The following KLRG1 variants were observed in gnomAD, a reference collection of about 807,000 sequenced individuals.
KLRG1 encodes killer cell lectin-like receptor subfamily G member 1.
Under a neutral mutation model 21.8 loss-of-function variants are expected in KLRG1, and 16 were observed. The ratio of observed to expected loss-of-function variants is 0.73; its 90% CI spans 0.50 to 1.11. KLRG1 has a LOEUF of 1.11. KLRG1 is among the 50% of genes most tolerant of loss of function. The probability of loss-of-function intolerance (pLI) is 0.00; values close to 1 mark genes in which losing one functional copy is unlikely to be tolerated. For synonymous variants in KLRG1, 69 were observed against 75.9 expected (o/e 0.91, Z 0.47); for missense variants, 173 against 218.3 (o/e 0.79, Z 1.31).
intron 1 of KLRG1, among the ~76,000 whole-genome samples, chr12:8,982,653 TTTTTTTTTTG>T (rs774188664): frequency 2.0e-5 from 3 of 151,674 alleles, no homozygotes; most frequent in African/African-American, 7.3e-5. Context: ...TCTTTTTTTT[TTTTTTTTTTG>T]AGATGGAGTT....
Position 9,010,276 on chromosome 12 carries a change from C to A in KLRG1, c.*739C>A. ...ACTTCCTCCTTCTGAGCTCTTCACA[C>A]GTAATGCAAAAACCCGGTCTTAACT... On this transcript the variant is annotated 3_prime_UTR_variant, in exon 5 of 5. Coordinates refer to ENST00000356986, the MANE Select transcript of KLRG1 (RefSeq NM_005810.4). 1 of 416,298 alleles carries A rather than the reference C, an allele frequency of 2.4e-6. No individual in the cohort carries two copies. The highest frequency in any genetic ancestry group is 4.3e-6 in the Non-Finnish European group (1 of 234,488). The allele number at this position is 416,298 out of a possible 1,614,324, so 25.8% of individuals were successfully genotyped here.
chr12:9,152,939 A>G, the KLRG1 span: 1 of 1,614,070 alleles, frequency 6.2e-7, no homozygotes, highest in Non-Finnish European at 8.5e-7. Flanking sequence ...AGAATATTGT[A>G]TTTCATGGAT....
chr12:9,075,182 G>C, the KLRG1 span, among the ~76,000 whole-genome samples: 8 of 152,148 alleles, frequency 5.3e-5, no homozygotes, highest in African/African-American at 1.4e-4. Context: ...ACATGAAATA[G>C]TAGAGTTTCT....
rs1565544796 is a variant in KLRG1, at chr12:8,989,574, A to G, written c.-62A>G. The G allele has an allele frequency of 3.9e-6, 4 of 1,037,302 alleles. No homozygotes were observed. The highest frequency in any genetic ancestry group is 2.7e-5 in the South Asian group (2 of 73,460). 64.3% of individuals were successfully genotyped at this position (1,037,302 alleles called of 1,614,324 possible). ...GATTGGGCTGTTTCCTCACTGATAC[A>G]TATCCCTTCACACTTCTATAATTTA... On this transcript the variant is annotated 5_prime_UTR_variant, in exon 1 of 5. Coordinates refer to ENST00000356986, the MANE Select transcript of KLRG1 (RefSeq NM_005810.4).
chr12:9,079,466 T>C, the KLRG1 span: 1 of 1,131,542 alleles, frequency 8.8e-7, no homozygotes, highest in Non-Finnish European at 1.3e-6. Context: ...TTTCTGAGCC[T>C]TAAATATTTT....
the KLRG1 span, chr12:9,150,552 G>T: frequency 7.2e-6 from 6 of 831,830 alleles, no homozygotes; most frequent in Non-Finnish European, 9.7e-6. Context: ...AAAGATTAAT[G>T]TTGACTAAGT....
At chr12:9,117,950 A>G in the KLRG1 span, among the ~76,000 whole-genome samples, 1 of 152,164 alleles carries the variant, frequency 6.6e-6, no homozygotes. Context: ...ACATAGATCA[A>G]TTTAGGCTAG....
chr12:9,009,453 A>G lies in KLRG1; in HGVS notation c.486A>G (p.Thr162=). The G allele has an allele frequency of 1.2e-6, 2 of 1,613,956 alleles. No homozygotes were observed. Among genetic ancestry groups the G allele is most frequent in the Non-Finnish European group, 1.7e-6 (2 of 1,179,910 alleles). ...TTTCTTCTAATAGCTTTGTGCAGAC[A>G]TGCGGTGCCATCAACAAAAATGGTC... The part of the protein sequence containing the change: ...SRISSNSFVQ[T]CGAINKNGLQ... Residue 162 remains threonine, a synonymous_variant, in exon 5 of 5, where the codon ACA becomes ACG. Coordinates refer to ENST00000356986, the MANE Select transcript of KLRG1 (RefSeq NM_005810.4).
chr12:9,193,075 G>A, the KLRG1 span, among the ~76,000 whole-genome samples: 2 of 152,178 alleles, frequency 1.3e-5, no homozygotes, highest in Non-Finnish European at 2.9e-5. Flanking sequence ...ATTACCTCAT[G>A]AATTGGCTTA....
the KLRG1 span, among the ~76,000 whole-genome samples, chr12:9,184,881 A>G: frequency 2.6e-5 from 4 of 152,200 alleles, no homozygotes; most frequent in Admixed American, 6.5e-5. Context: ...ACCTTATACC[A>G]CAATCAAACC....
the KLRG1 span, chr12:9,089,088 T>A: frequency 1.3e-5 from 11 of 831,548 alleles, no homozygotes; most frequent in East Asian, 2.7e-4. Context: ...AATGCATTGA[T>A]GGTGCTTCAG....
At chr12:9,049,181 G>A in the KLRG1 span, among the ~76,000 whole-genome samples, 9 of 152,256 alleles carry the variant, frequency 5.9e-5, no homozygotes, top group African/African-American at 2.2e-4. Flanking sequence ...GCTTCAGAAG[G>A]AAGGTCTGCA....
At chr12:9,009,391 G>A (rs377115543) in intron 4 of KLRG1, 35 bp from the exon 5 acceptor site, 86 of 1,611,594 alleles carry the variant, frequency 5.3e-5, no homozygotes, top group Admixed American at 2.8e-4. Context: ...CTGTGCATGC[G>A]GCCTTAAGTG....
At chr12:9,169,503 GGAC>G in the KLRG1 span, 3 of 1,612,732 alleles carry the variant, frequency 1.9e-6, no homozygotes, top group East Asian at 4.5e-5. Context: ...AATGAAGAAA[GGAC>G]GGGGACAGTG....
the KLRG1 span, among the ~76,000 whole-genome samples, chr12:9,108,582 C>A: frequency 2.0e-5 from 3 of 152,318 alleles, no homozygotes; most frequent in East Asian, 5.8e-4. Flanking sequence ...ACTTGGCCAT[C>A]ACTGTGAGAC....
chr12:9,145,563 G>T, the KLRG1 span, among the ~76,000 whole-genome samples: 2 of 151,976 alleles, frequency 1.3e-5, no homozygotes, highest in African/African-American at 4.8e-5. Context: ...CTTTTAACTG[G>T]AAGTAAAAGT....
At chr12:8,971,429 G>A (rs755161273) in intron 1 of KLRG1, among the ~76,000 whole-genome samples, 2 of 151,762 alleles carry the variant, frequency 1.3e-5, no homozygotes, top group African/African-American at 4.8e-5. Flanking sequence ...TAGCAATATA[G>A]CCTCTCCATT....
chr12:9,079,813 C>G, the KLRG1 span: 1 of 1,594,158 alleles, frequency 6.3e-7, no homozygotes, highest in Non-Finnish European at 8.5e-7. Flanking sequence ...CCTAATATGT[C>G]TCCTAGAGAA....
intron 2 of KLRG1, among the ~76,000 whole-genome samples, chr12:8,993,482 G>A (rs1947038551): frequency 6.6e-6 from 1 of 151,990 alleles, no homozygotes; most frequent in Non-Finnish European, 1.5e-5. Flanking sequence ...TAGAGACGGG[G>A]TTTCACTATG....
Sources: allele counts gnomAD v4.1 joint callset (sites outside exome capture counted in the v4.1 genomes callset), GRCh38; gene constraint gnomAD v4.1.1; transcripts MANE v1.5; gene names NCBI Gene and HGNC (gene_info 2026-07-23, HGNC 2026-07-21).